The following DAPK2 variants were observed in gnomAD, a reference collection of about 807,000 sequenced individuals.
The protein encoded by DAPK2 is death-associated protein kinase 2.
In DAPK2, 35 loss-of-function variants were observed where a neutral mutation model predicts 44.1. The observed-to-expected ratio is 0.79, with a 90% CI of 0.61 to 1.05. The LOEUF (loss-of-function observed/expected upper bound fraction) is 1.05, where lower values mean the gene tolerates loss of function less well. Ranked by LOEUF, DAPK2 falls within the 50% of genes least tolerant of loss-of-function variation. The pLI is 0.00. For missense variants in DAPK2, 453 were observed against 483.2 expected, an observed-to-expected ratio of 0.94 and a Z score of 0.59; for synonymous variants, 174 against 182.6, an observed-to-expected ratio of 0.95 and a Z score of 0.38.
At chr15:63,988,703 A>C (rs2078732875) in intron 1 of DAPK2, among the ~76,000 whole-genome samples, 1 of 151,204 alleles carries the variant, frequency 6.6e-6, no homozygotes, top group Non-Finnish European at 1.5e-5. Context: ...ACGGGATTTC[A>C]CCATGTTGGC....
chr15:63,990,297 T>G lies in DAPK2; in HGVS notation c.93-6543A>C, dbSNP rs989532358. 2.0e-5 allele frequency among the ~76,000 whole-genome samples: 3 copies of G among 151,990 alleles called. No individual in the cohort carries two copies. Among genetic ancestry groups the G allele is most frequent in the African/African-American group, 7.2e-5 (3 of 41,392 alleles). On this transcript the variant is annotated intron_variant, in intron 1 of 10. Coordinates refer to ENST00000261891, the Ensembl canonical transcript of DAPK2. The surrounding 1 kb of genome is among the most constrained non-coding windows in gnomAD (Gnocchi z 4.3). ...TACAAAAATTAGCTGGGCATGGTGG[T>G]GCACACCTGTAGTCCCAACTACTCG...
At chr15:63,925,520 C>G (rs923823605) in intron 7 of DAPK2, among the ~76,000 whole-genome samples, 1 of 152,092 alleles carries the variant, frequency 6.6e-6, no homozygotes, top group Non-Finnish European at 1.5e-5. Context: ...TTCCACCATC[C>G]CACTGTACTG....
intron 1 of DAPK2, among the ~76,000 whole-genome samples, chr15:63,984,334 G>A (rs757497741): frequency 2.0e-5 from 3 of 152,170 alleles, no homozygotes; most frequent in Non-Finnish European, 4.4e-5. Flanking sequence ...ATACCCAACC[G>A]GCTGTCCACA....
intron 1 of DAPK2, among the ~76,000 whole-genome samples, chr15:64,032,165 G>A (rs1041320814): frequency 2.0e-5 from 3 of 152,150 alleles, no homozygotes; most frequent in Admixed American, 1.3e-4. Context: ...CAGTCCAGCA[G>A]GGAGGACGAC....
At chr15:63,971,467 C>A (rs573404934) in exon 3 of DAPK2, 2 of 1,614,220 alleles carry the variant, frequency 1.2e-6, no homozygotes, top group Non-Finnish European at 1.7e-6. Context: ...AGGTAGTTCA[C>A]CCCATCCAGG....
chr15:63,977,707 C>T (rs1472858133), intron 2 of DAPK2, among the ~76,000 whole-genome samples: 2 of 152,210 alleles, frequency 1.3e-5, no homozygotes, highest in Non-Finnish European at 2.9e-5. Context: ...CTTTCCCAAA[C>T]ATTTCCTCAC....
At chr15:64,040,066 A>AC in intron 1 of DAPK2, 104 bp downstream of exon 2, 1 of 863,728 alleles carries the variant, frequency 1.2e-6, no homozygotes, top group Non-Finnish European at 2.0e-6. Flanking sequence ...AAAGCTTCCC[A>AC]CTGGTCCTGT....
At chr15:63,913,399 A>G (rs74019096) in intron 8 of DAPK2, among the ~76,000 whole-genome samples, 12,537 of 152,254 alleles carry the variant, frequency 0.082, 770 homozygotes, top group African/African-American at 0.17. Flanking sequence ...ATGTACAGAC[A>G]TGCATTTCTT....
At chr15:64,002,973 CCTGTGTGTGTGTGTGTGT>C (rs2079133217) in intron 1 of DAPK2, among the ~76,000 whole-genome samples, 3 of 75,518 alleles carry the variant, frequency 4.0e-5, no homozygotes, top group African/African-American at 1.2e-4. Context: ...TGTCGTGGGA[CCTGTGTGTGTGTGTGTGT>C]GTGTGTGTGT....
At chr15:63,999,792 G>T (rs1243579158) in intron 1 of DAPK2, among the ~76,000 whole-genome samples, 1 of 151,634 alleles carries the variant, frequency 6.6e-6, no homozygotes, top group African/African-American at 2.4e-5. Flanking sequence ...TTGAGACAGG[G>T]TCTTACTCTG....
intron 1 of DAPK2, among the ~76,000 whole-genome samples, chr15:64,025,998 T>C (rs895639911): frequency 6.6e-6 from 1 of 152,214 alleles, no homozygotes; most frequent in Non-Finnish European, 1.5e-5. Context: ...GCTGTAGGGC[T>C]ATAGTTTTCT....
chr15:63,946,439 G>A (rs1431772973), intron 3 of DAPK2, among the ~76,000 whole-genome samples: 2 of 152,236 alleles, frequency 1.3e-5, no homozygotes, highest in African/African-American at 4.8e-5. Flanking sequence ...GCTCTTAGAG[G>A]CTCAGTTTCC....
At chr15:64,003,478 G>A (rs1567266921) in intron 1 of DAPK2, among the ~76,000 whole-genome samples, 1 of 152,174 alleles carries the variant, frequency 6.6e-6, no homozygotes, top group Non-Finnish European at 1.5e-5. Context: ...ACCAGGATTC[G>A]CCTACTTCTT....
rs1483905604 is a variant in DAPK2, at chr15:64,020,532, A to G, written c.92+19638T>C. 6.6e-6 allele frequency among the ~76,000 whole-genome samples: 1 copy of G among 152,232 alleles called. No individual in the cohort carries two copies. Among genetic ancestry groups the G allele is most frequent in the African/African-American group, 2.4e-5 (1 of 41,462 alleles). On this transcript the variant is annotated intron_variant, in intron 1 of 10. Coordinates refer to ENST00000261891, the Ensembl canonical transcript of DAPK2. This position sits in a 1 kb window ranked among gnomAD's most constrained non-coding sequence, Gnocchi z 4.5. Reference sequence around the variant, plus strand: ...CACATATTTTTATTAAGCACCAGCTATGGAAAGGTATCGCTTGCTTCACCA... The same window carrying G: ...CACATATTTTTATTAAGCACCAGCTGTGGAAAGGTATCGCTTGCTTCACCA...
At chr15:63,996,725 GC>G (rs2078958016) in intron 1 of DAPK2, among the ~76,000 whole-genome samples, 1 of 152,190 alleles carries the variant, frequency 6.6e-6, no homozygotes, top group African/African-American at 2.4e-5. Context: ...ACGGAGCTTA[GC>G]CCATTTCACA....
intron 1 of DAPK2, among the ~76,000 whole-genome samples, chr15:64,032,977 T>C (rs1567287112): frequency 6.6e-6 from 1 of 152,034 alleles, no homozygotes; most frequent in African/African-American, 2.4e-5. Flanking sequence ...TCCCAGCTAC[T>C]TGGGAGGCTG....
At chr15:63,943,108 T>C (rs1259376409) in intron 3 of DAPK2, among the ~76,000 whole-genome samples, 1 of 16,578 alleles carries the variant, frequency 6.0e-5, no homozygotes, top group Non-Finnish European at 1.2e-4. Context: ...TTATCATTCC[T>C]TTTGCAAAAA....
At chr15:63,969,608 G>A (rs1033930897) in intron 3 of DAPK2, among the ~76,000 whole-genome samples, 2 of 152,094 alleles carry the variant, frequency 1.3e-5, no homozygotes, top group Non-Finnish European at 2.9e-5. Context: ...AGGTATGGTG[G>A]CACACGCCTT....
chr15:64,005,998 T>C (rs1775808487), intron 1 of DAPK2, among the ~76,000 whole-genome samples: 1 of 150,752 alleles, frequency 6.6e-6, no homozygotes, highest in Non-Finnish European at 1.5e-5. Context: ...GATCGGATTA[T>C]TGCAATCCAG....
Sources: gnomAD v4.1 joint callset for allele counts (sites outside exome capture counted in the v4.1 genomes callset) on GRCh38, gnomAD v4.1.1 for gene constraint, Gnocchi (gnomAD v3.1) non-coding constraint, MANE v1.5 for transcripts, NCBI Gene and HGNC (gene_info 2026-07-23, HGNC 2026-07-21) for gene names.